UBXN2A: variants seen among roughly 807,000 people sequenced by gnomAD.
UBXN2A encodes UBX domain protein 2A.
UBXN2A carries 28 observed loss-of-function variants against 28.4 expected under a neutral mutation model. That is an observed-to-expected ratio of 0.99 (90% confidence interval 0.73 to 1.35). UBXN2A has a LOEUF of 1.35. UBXN2A is among the 40% of genes most tolerant of loss of function. The probability of loss-of-function intolerance (pLI) is 0.00; values close to 1 mark genes in which losing one functional copy is unlikely to be tolerated. For synonymous variants in UBXN2A, 97 were observed against 103.6 expected (o/e 0.94, Z 0.39); for missense variants, 253 against 297.9 (o/e 0.85, Z 1.11).
intron 2 of UBXN2A, among the ~76,000 whole-genome samples, chr2:23,961,539 CTTTTTTTTTTT>C (rs71395167): frequency 2.0e-5 from 1 of 51,272 alleles, no homozygotes; most frequent in Non-Finnish European, 3.4e-5. Context: ...AGAAAACTGC[CTTTTTTTTTTT>C]TTTTTTTTTT....
intron 1 of UBXN2A, among the ~76,000 whole-genome samples, chr2:23,950,610 G>T (rs1706317032): frequency 6.6e-6 from 1 of 151,934 alleles, no homozygotes; most frequent in African/African-American, 2.4e-5. Context: ...CACCATGTTG[G>T]CTGGGTTGGT....
At chr2:23,967,551 T>C (rs1707228846) in intron 2 of UBXN2A, among the ~76,000 whole-genome samples, 1 of 152,192 alleles carries the variant, frequency 6.6e-6, no homozygotes, top group South Asian at 2.1e-4. Flanking sequence ...AAATGAGTGG[T>C]GGTATCTGTA....
At chr2:23,937,453 G>C (rs779795561), upstream of UBXN2A, among the ~76,000 whole-genome samples, 2 of 152,048 alleles carry the variant, frequency 1.3e-5, no homozygotes, top group African/African-American at 2.4e-5. Flanking sequence ...AGGACACTGT[G>C]GTGGAAGGAT....
intron 1 of UBXN2A, among the ~76,000 whole-genome samples, chr2:23,942,923 GAAA>G (rs1321945763): frequency 7.2e-6 from 1 of 139,616 alleles, no homozygotes; most frequent in South Asian, 2.2e-4. Flanking sequence ...ACCTCCGTCA[GAAA>G]AAAAAAAAGT....
chr2:23,978,962 C>CA (rs113906713), intron 4 of UBXN2A, among the ~76,000 whole-genome samples: 16,685 of 139,698 alleles, frequency 0.12, 990 homozygotes, highest in Middle Eastern at 0.19. Flanking sequence ...GATTCCATCT[C>CA]AAAAAAAAAA....
intron 6 of UBXN2A, chr2:23,996,808 C>A (rs1004696661): frequency 6.9e-6 from 1 of 145,100 alleles, no homozygotes; most frequent in Non-Finnish European, 1.5e-5. Context: ...GATGGGGTCT[C>A]GCTATGTTGC....
chr2:23,948,604 A>G (rs1390201134), intron 1 of UBXN2A, among the ~76,000 whole-genome samples: 2 of 152,166 alleles, frequency 1.3e-5, no homozygotes, highest in African/African-American at 2.4e-5. Flanking sequence ...AAAAAGGAGT[A>G]TAACACTGTT....
At chr2:23,978,242 A>G in intron 4 of UBXN2A, among the ~76,000 whole-genome samples, 1 of 152,146 alleles carries the variant, frequency 6.6e-6, no homozygotes, top group East Asian at 1.9e-4. Context: ...TTTATTATTT[A>G]ATTTTGTTTA....
upstream of UBXN2A, among the ~76,000 whole-genome samples, chr2:23,937,283 A>G (rs1183633989): frequency 1.3e-5 from 2 of 152,182 alleles, no homozygotes; most frequent in African/African-American, 4.8e-5. Context: ...GGTATCTCAT[A>G]CCTGTAATCC....
chr2:23,958,238 G>A, intron 1 of UBXN2A, 63 bp from the exon 2 acceptor site: 8 of 1,363,776 alleles, frequency 5.9e-6, no homozygotes, highest in Non-Finnish European at 8.0e-6. Flanking sequence ...GGACTACATG[G>A]TAACTTACAT....
chr2:23,999,194 A>G (rs553653738), intron 6 of UBXN2A, among the ~76,000 whole-genome samples: 124 of 152,324 alleles, frequency 8.1e-4, no homozygotes, highest in Admixed American at 1.2e-3. Context: ...GATGCATTCT[A>G]TAATCCATGG....
At chr2:23,938,728 T>C (rs559572240), upstream of UBXN2A, among the ~76,000 whole-genome samples, 1 of 152,082 alleles carries the variant, frequency 6.6e-6, no homozygotes, top group African/African-American at 2.4e-5. Context: ...GTAATCAAAA[T>C]AGTATGGTAC....
chr2:23,948,662 A>G (rs1706213026), intron 1 of UBXN2A, among the ~76,000 whole-genome samples: 1 of 152,172 alleles, frequency 6.6e-6, no homozygotes, highest in Non-Finnish European at 1.5e-5. Flanking sequence ...GGGGATAATT[A>G]TGTCCATGCT....
rs749898496 is a variant in UBXN2A, at chr2:23,971,272, T to G, written c.42-4T>G. The G allele has an allele frequency of 6.4e-7, 1 of 1,550,642 alleles. No homozygotes were observed. The highest frequency in any genetic ancestry group is 1.2e-5 in the South Asian group (1 of 80,296). On this transcript the variant is annotated splice_polypyrimidine_tract_variant and splice_region_variant and intron_variant, in intron 2 of 6. Coordinates refer to ENST00000309033, the MANE Select transcript of UBXN2A (RefSeq NM_181713.4). ...TAGTGCCTGTTTTTCTTTATCTTGT[T>G]TAGGGTTTGTGAAACAGGATCTGAT...
chr2:24,000,510 C>A lies in UBXN2A; in HGVS notation c.*643C>A, dbSNP rs1708699740. On this transcript the variant is annotated 3_prime_UTR_variant, in exon 7 of 7. Coordinates refer to ENST00000309033, the MANE Select transcript of UBXN2A (RefSeq NM_181713.4). The stretch of plus-strand genomic sequence containing the variant: ...TGAGCTGAGATTGAGCAACTGTACT[C>A]CAGCTTGGCGACAGAGCAAGACCCC... The A allele has an allele frequency of 1.3e-5, 2 of 152,168 alleles. No homozygotes were observed. The highest frequency in any genetic ancestry group is 1.3e-4 in the Admixed American group (2 of 15,266). The allele number at this position is 152,168 out of a possible 1,614,324, so 9.4% of individuals were successfully genotyped here.
intron 4 of UBXN2A, 81 bp downstream of exon 4, chr2:23,977,156 G>C (rs1016753872): frequency 1.8e-6 from 2 of 1,130,760 alleles, no homozygotes; most frequent in African/African-American, 3.1e-5. Flanking sequence ...CTGAGCTCAG[G>C]AGTTCAAGGC....
At chr2:23,974,427 GCTCCGCCTCC>G (rs1179880480) in intron 3 of UBXN2A, among the ~76,000 whole-genome samples, 2 of 150,626 alleles carry the variant, frequency 1.3e-5, no homozygotes, top group African/African-American at 2.4e-5. Flanking sequence ...CTCACTGCAA[GCTCCGCCTCC>G]CGGGTTCACA....
At chr2:23,972,442 A>G (rs1707458369) in intron 3 of UBXN2A, among the ~76,000 whole-genome samples, 1 of 152,186 alleles carries the variant, frequency 6.6e-6, no homozygotes, top group Non-Finnish European at 1.5e-5. Flanking sequence ...GGGATATTCA[A>G]CCTGTACTTT....
intron 4 of UBXN2A, among the ~76,000 whole-genome samples, chr2:23,981,449 G>C (rs1707894887): frequency 9.0e-6 from 1 of 110,732 alleles, no homozygotes; most frequent in Non-Finnish European, 1.7e-5. Flanking sequence ...CTGGACTCCA[G>C]CCTGGGCAAC....
Sources: gnomAD v4.1 joint callset for allele counts (sites outside exome capture counted in the v4.1 genomes callset) on GRCh38, gnomAD v4.1.1 for gene constraint, MANE v1.5 for transcripts, NCBI Gene and HGNC (gene_info 2026-07-23, HGNC 2026-07-21) for gene names.